The following MYOZ2 variants were observed in gnomAD, a reference collection of about 807,000 sequenced individuals.
The protein encoded by MYOZ2 is myozenin 2.
Under a neutral mutation model 25.4 loss-of-function variants are expected in MYOZ2, and 19 were observed. The ratio of observed to expected loss-of-function variants is 0.75; its 90% CI spans 0.52 to 1.10. The LOEUF (loss-of-function observed/expected upper bound fraction) is 1.10. Among genes scored for constraint, MYOZ2 ranks in the 50% least tolerant of loss-of-function variants. The pLI, the probability that MYOZ2 is intolerant of heterozygous loss-of-function variation, is 0.00. For synonymous variants in MYOZ2, 92 were observed against 106.9 expected (o/e 0.86, Z 0.86); for missense variants, 270 against 317.9 (o/e 0.85, Z 1.15).
intron 4 of MYOZ2, among the ~76,000 whole-genome samples, chr4:119,161,857 T>C (rs1415313991): frequency 6.6e-6 from 1 of 152,184 alleles, no homozygotes; most frequent in East Asian, 1.9e-4. Flanking sequence ...ATTACGTTTA[T>C]GGGTGAAGAA....
chr4:119,163,538 C>T (rs190150535), intron 4 of MYOZ2, among the ~76,000 whole-genome samples: 1 of 152,204 alleles, frequency 6.6e-6, no homozygotes, highest in African/African-American at 2.4e-5. Context: ...ACAGAAAATT[C>T]CCAGCTGTTA....
In MYOZ2 at chr4:119,186,475, G is replaced by A; in HGVS notation, c.*275G>A. ...ATATTTTACTGCAAAAGTTCAGATG[G>A]AAAAGTAATTGACAGTTTCACCTTT... On this transcript the variant is annotated 3_prime_UTR_variant, in exon 6 of 6. Coordinates refer to ENST00000307128, the MANE Select transcript of MYOZ2 (RefSeq NM_016599.5). 4.9e-6 allele frequency: 2 copies of A among 411,414 alleles called. No homozygotes were observed. The highest frequency in any genetic ancestry group is 2.7e-5 in the South Asian group (1 of 36,496). The allele number at this position is 411,414 out of a possible 1,614,324, so 25.5% of individuals were successfully genotyped here. A position where few individuals can be genotyped will look rare whatever the true frequency, so the allele number is the denominator to read the frequency against.
chr4:119,174,957 C>T (rs945058691), intron 5 of MYOZ2, among the ~76,000 whole-genome samples: 5 of 151,960 alleles, frequency 3.3e-5, no homozygotes, highest in African/African-American at 7.3e-5. Flanking sequence ...TAACACTCAC[C>T]GTGAAGGTCT....
intron 5 of MYOZ2, among the ~76,000 whole-genome samples, chr4:119,169,854 T>A (rs1741912186): frequency 6.6e-6 from 1 of 152,214 alleles, no homozygotes; most frequent in Non-Finnish European, 1.5e-5. Flanking sequence ...AACAAAATCT[T>A]AGATTGGATA....
chr4:119,178,790 A>G (rs192890887), intron 5 of MYOZ2, among the ~76,000 whole-genome samples: 3 of 152,244 alleles, frequency 2.0e-5, no homozygotes, highest in Non-Finnish European at 4.4e-5. Context: ...TGTTTTTAGT[A>G]GAAACAGCAT....
intron 5 of MYOZ2, among the ~76,000 whole-genome samples, chr4:119,176,365 C>T (rs754804083): frequency 5.5e-4 from 83 of 152,052 alleles, no homozygotes; most frequent in Non-Finnish European, 4.6e-4. Flanking sequence ...GGATTACAAG[C>T]GCCTGCCACC....
At chr4:119,167,904 A>G (rs775418034) in intron 5 of MYOZ2, among the ~76,000 whole-genome samples, 18 of 152,224 alleles carry the variant, frequency 1.2e-4, no homozygotes, top group Admixed American at 5.2e-4. Context: ...TTTTCAATTT[A>G]TTACTCTTTA....
At chr4:119,165,278 G>A (rs930773865) in intron 5 of MYOZ2, among the ~76,000 whole-genome samples, 1 of 151,668 alleles carries the variant, frequency 6.6e-6, no homozygotes, top group African/African-American at 2.4e-5. Context: ...GGGAGGCTGA[G>A]GTGGGTGGAT....
intron 3 of MYOZ2, among the ~76,000 whole-genome samples, chr4:119,153,857 G>A (rs1208581778): frequency 6.6e-6 from 1 of 152,010 alleles, no homozygotes; most frequent in Non-Finnish European, 1.5e-5. Flanking sequence ...AATGAACATT[G>A]CTTGCTACAT....
Position 119,168,675 on chromosome 4 carries a change from C to T in MYOZ2, c.560+4281C>T, listed in dbSNP as rs143054750. 2.0e-3 allele frequency among the ~76,000 whole-genome samples: 278 copies of T among 142,406 alleles called. 2 individuals are homozygous for T. In the East Asian group the frequency reaches 0.035, roughly 18 times the overall value. The allele number at this position is 142,406 out of a possible 152,430, so 93.4% of individuals were successfully genotyped here. A position where few individuals can be genotyped will look rare whatever the true frequency, so the allele number is the denominator to read the frequency against. The stretch of plus-strand genomic sequence containing the variant: ...CTGAATTGCTGCAATCTAAAAAAAA[C>T]AACAACAAAACAACAACAACAACAA... On this transcript the variant is annotated intron_variant, in intron 5 of 5. Coordinates refer to ENST00000307128, the MANE Select transcript of MYOZ2 (RefSeq NM_016599.5).
intron 2 of MYOZ2, among the ~76,000 whole-genome samples, chr4:119,144,297 G>C (rs754427397): frequency 6.6e-6 from 1 of 152,136 alleles, no homozygotes; most frequent in African/African-American, 2.4e-5. Context: ...TCAATGATTT[G>C]TTCCCTTTTG....
chr4:119,171,459 A>G (rs1741943276), intron 5 of MYOZ2, among the ~76,000 whole-genome samples: 1 of 152,002 alleles, frequency 6.6e-6, no homozygotes, highest in African/African-American at 2.4e-5. Flanking sequence ...CTCAATAGGT[A>G]TCTGGGTCTT....
intron 2 of MYOZ2, among the ~76,000 whole-genome samples, chr4:119,148,868 T>TTTTTAATC: frequency 6.6e-6 from 1 of 152,162 alleles, no homozygotes; most frequent in Admixed American, 6.5e-5. Flanking sequence ...TTTAAAATAT[T>TTTTTAATC]TGTCAGATAG....
chr4:119,169,214 T>C (rs1397484151), intron 5 of MYOZ2, among the ~76,000 whole-genome samples: 1 of 152,242 alleles, frequency 6.6e-6, no homozygotes. Flanking sequence ...AAGGACACAA[T>C]GCTATAGATA....
chr4:119,143,339 G>A (rs1172707935), intron 2 of MYOZ2, among the ~76,000 whole-genome samples: 1 of 151,974 alleles, frequency 6.6e-6, no homozygotes, highest in African/African-American at 2.4e-5. Context: ...GGGATTACAG[G>A]TGCACACCAC....
intron 5 of MYOZ2, among the ~76,000 whole-genome samples, chr4:119,173,356 T>G (rs1451994720): frequency 6.6e-6 from 1 of 152,246 alleles, no homozygotes; most frequent in Non-Finnish European, 1.5e-5. Context: ...TAGACTATTT[T>G]AAATCTTTCA....
intron 5 of MYOZ2, among the ~76,000 whole-genome samples, chr4:119,175,098 C>T (rs1329231220): frequency 1.3e-5 from 2 of 151,750 alleles, no homozygotes; most frequent in African/African-American, 4.8e-5. Context: ...CGAGAGGGTC[C>T]GCGGCTTCAT....
intron 4 of MYOZ2, among the ~76,000 whole-genome samples, chr4:119,158,899 A>G (rs1741646052): frequency 6.6e-6 from 1 of 152,212 alleles, no homozygotes; most frequent in African/African-American, 2.4e-5. Context: ...TGACAGCACA[A>G]CAGGGTGACC....
At chr4:119,170,806 T>C (rs571358176) in intron 5 of MYOZ2, among the ~76,000 whole-genome samples, 32 of 151,990 alleles carry the variant, frequency 2.1e-4, no homozygotes, top group Non-Finnish European at 2.9e-4. Flanking sequence ...ACAAAAGACA[T>C]CAAGCTTCAA....
Sources: allele counts gnomAD v4.1 joint callset (sites outside exome capture counted in the v4.1 genomes callset), GRCh38; gene constraint gnomAD v4.1.1; transcripts MANE v1.5; gene names NCBI Gene and HGNC (gene_info 2026-07-23, HGNC 2026-07-21).